XAB2: variants seen among roughly 807,000 people sequenced by gnomAD.
XAB2 encodes XPA binding protein 2.
A neutral mutation model predicts 113.4 loss-of-function variants in XAB2; 57 were observed. That is an observed-to-expected ratio of 0.50 (90% CI 0.41 to 0.63). XAB2 has a LOEUF of 0.63. Ranked by LOEUF, XAB2 falls within the 20% of genes least tolerant of loss-of-function variation. XAB2 has a pLI of 0.00. For synonymous variants in XAB2, 497 were observed against 498.8 expected (o/e 1.00, Z 0.05); for missense variants, 1,037 against 1,233.3 (o/e 0.84, Z 2.38).
intron 12 of XAB2, 84 bp downstream of exon 12, chr19:7,622,247 C>T: frequency 1.6e-6 from 2 of 1,281,956 alleles, no homozygotes; most frequent in Admixed American, 3.4e-5. Context: ...GTCACACAAG[C>T]CCCAGCAGAT....
At position 7,619,616 on chromosome 19, in the gene XAB2, G is replaced by A. The variant is rs4134869; in HGVS notation, c.2538C>T (p.Ala846=). The A allele has an allele frequency of 7.4e-3, 11,938 of 1,602,968 alleles. 753 individuals are homozygous for A. In the African/African-American group the frequency reaches 0.14, roughly 19 times the overall value. Residue 846 remains alanine (A), a synonymous_variant, in exon 19 of 19, where the codon GCC becomes GCT. Coordinates refer to ENST00000358368, the MANE Select transcript of XAB2 (RefSeq NM_020196.3). ...EVRLEQQSVP[A]AVFGSLKED is the part of the protein sequence containing the mutation. ...CTTCCTTCAGGCTCCCAAACACTGC[G>A]GCTGGCACGCTCTGCTGCTCCAGCC... is the stretch of plus-strand genomic sequence containing the variant.
chr19:7,622,157 G>C, intron 12 of XAB2, 174 bp downstream of exon 12: 1 of 633,700 alleles, frequency 1.6e-6, no homozygotes, highest in Admixed American at 2.8e-5. Flanking sequence ...CCCTGCCCAT[G>C]CCTCGATCCT....
Position 7,627,566 on chromosome 19 carries a change from C to G in XAB2, c.325-126G>C, listed in dbSNP as rs544124333. The G allele has an allele frequency of 2.0e-6, 3 of 1,506,638 alleles. No homozygotes were observed. The East Asian group carries it at 6.8e-5, about 34-fold the overall frequency. The allele number at this position is 1,506,638 out of a possible 1,614,324, so 93.3% of individuals were successfully genotyped here. A position where few individuals can be genotyped will look rare whatever the true frequency, so the allele number is the denominator to read the frequency against. ...CATAAATGCGGCGGGACCCAGAAACCCCCAGCTCCAGGACTGAGTCCAGCC... is the reference window on the plus strand; with the variant it reads ...CATAAATGCGGCGGGACCCAGAAACGCCCAGCTCCAGGACTGAGTCCAGCC... On this transcript the variant is annotated intron_variant, in intron 3 of 18. Transcript: ENST00000358368. This position sits in a 1 kb window ranked among gnomAD's most constrained non-coding sequence, Gnocchi z 4.5.
chr19:7,622,468 G>A, intron 11 of XAB2, 24 bp from the exon 12 acceptor site: 2 of 1,614,112 alleles, frequency 1.2e-6, no homozygotes, highest in African/African-American at 2.7e-5. Flanking sequence ...GATGGGAAAG[G>A]TTGGAGCTGG....
In XAB2 at chr19:7,623,544, C is replaced by A. The variant is rs1307916433; in HGVS notation, c.1119+187G>T. On this transcript the variant is annotated intron_variant, in intron 8 of 18. Coordinates refer to ENST00000358368, the MANE Select transcript of XAB2 (RefSeq NM_020196.3). The surrounding 1 kb of genome is among the most constrained non-coding windows in gnomAD (Gnocchi z 4.6). ...AGCTGTGGCCCTCCAAGGGGTGGGG[C>A]CAGGAGGGACTGTGGCTCTGAGGGG... Among the ~76,000 whole-genome samples the A allele has an allele frequency of 6.6e-6, 1 of 151,822 alleles. No homozygotes were observed. Among genetic ancestry groups the A allele is most frequent in the Non-Finnish European group, 1.5e-5 (1 of 67,898 alleles).
rs2030988625 is a variant in XAB2 at position 7,619,831 on chromosome 19, C to T, written c.2422G>A (p.Ala808Thr). 2 of 1,612,818 alleles carry T rather than the reference C, an allele frequency of 1.2e-6. No homozygotes were observed. Among genetic ancestry groups the T allele is most frequent in the Non-Finnish European group, 1.7e-6 (2 of 1,179,944 alleles). ...GGGTTGACCTGCTGTGCCAGCTCTG[C>T]CAGCTCCTCCCGGGAGGCGTCACTC... ...VRSDASREEL[A>T]ELAQQVNPEE... Residue 808 changes from alanine to threonine, a missense_variant, in exon 18 of 19, where the codon GCA becomes ACA. Transcript: ENST00000358368.
Position 7,623,601 on chromosome 19 carries a change from C to CCCCA in XAB2, c.1119+129_1119+130insTGGG, listed in dbSNP as rs1468063225. ...TCGGGCAGGAGGAGAACCCCAAGAA[C>CCCCA]AGGGGTGGAATTGGACCTACTAAGC... On this transcript the variant is annotated intron_variant, in intron 8 of 18. Transcript: ENST00000358368. This position sits in a 1 kb window ranked among gnomAD's most constrained non-coding sequence, Gnocchi z 4.6. The CCCCA allele has an allele frequency of 7.2e-5, 94 of 1,305,254 alleles. No individual in the cohort carries two copies. The highest frequency in any genetic ancestry group is 9.1e-5 in the Non-Finnish European group (87 of 960,464). The allele number at this position is 1,305,254 out of a possible 1,614,324, so 80.9% of individuals were successfully genotyped here. A position where few individuals can be genotyped will look rare whatever the true frequency, so the allele number is the denominator to read the frequency against.
chr19:7,625,961 G>A lies in XAB2; in HGVS notation c.741C>T (p.Gly247=), dbSNP rs781425288. 1.2e-6 allele frequency: 2 copies of A among 1,613,832 alleles called. No homozygotes were observed. Among genetic ancestry groups the A allele is most frequent in the Non-Finnish European group, 1.7e-6 (2 of 1,179,900 alleles). Residue 247 remains glycine (G), a synonymous_variant, in exon 6 of 19, where the codon GGC becomes GGT. Transcript: ENST00000358368. The surrounding 1 kb of genome is among the most constrained non-coding windows in gnomAD (Gnocchi z 5.2). The stretch of plus-strand genomic sequence containing the variant: ...CCAGCTGGTCGGTGAAGCGGGTGAG[G>A]CCCCCGCGGATGATGGCGTCCACAT... ...SLNVDAIIRG[G]LTRFTDQLGK...
In XAB2 at chr19:7,623,037, T is replaced by C. The variant is rs1406773352; in HGVS notation, c.1239+133A>G. On this transcript the variant is annotated intron_variant, in intron 9 of 18. Coordinates refer to ENST00000358368, the MANE Select transcript of XAB2 (RefSeq NM_020196.3). This position sits in a 1 kb window ranked among gnomAD's most constrained non-coding sequence, Gnocchi z 4.6. ...ACAGGCACACACATGCGTGCACATATGCATGCACCCAAATGCACATGCACA... is the reference window on the plus strand; with the variant it reads ...ACAGGCACACACATGCGTGCACATACGCATGCACCCAAATGCACATGCACA... 6.5e-6 allele frequency: 10 copies of C among 1,543,680 alleles called. No individual in the cohort carries two copies. The Admixed American group carries it at 1.7e-4, about 26-fold the overall frequency.
Position 7,622,422 on chromosome 19 carries a change from C to T in XAB2, c.1526G>A (p.Arg509His), listed in dbSNP as rs746259404. ...TFQSTKAVYD[R>H]ILDLRIATPQ... ...TGTTGCGATACGCAGGTCCAGGATG[C>T]GGTCGTACACGGCCTTGGTGGACTG... The change falls in exon 12 of 19, where the codon CGC (arginine) becomes CAC (histidine). Residue 509 changes from arginine to histidine, a missense_variant. By Grantham distance (29) the Arg-to-His change is conservative. Coordinates refer to ENST00000358368, the MANE Select transcript of XAB2 (RefSeq NM_020196.3). 1.4e-5 allele frequency: 23 copies of T among 1,614,028 alleles called. No individual in the cohort carries two copies. The highest frequency in any genetic ancestry group is 2.7e-5 in the African/African-American group (2 of 74,910).
At chr19:7,619,683 G>T in intron 18 of XAB2, 36 bp from the exon 19 acceptor site, 1 of 1,606,268 alleles carries the variant, frequency 6.2e-7, no homozygotes. Context: ...CCCTCCTGGC[G>T]TTGGCCTGTC....
In XAB2 at chr19:7,623,416, G is replaced by T; in HGVS notation, c.1120-127C>A. The T allele has an allele frequency of 7.8e-7, 1 of 1,274,796 alleles. No individual in the cohort carries two copies. The highest frequency in any genetic ancestry group is 1.1e-6 in the Non-Finnish European group (1 of 919,950). 79.0% of individuals were successfully genotyped at this position (1,274,796 alleles called of 1,614,324 possible). A position where few individuals can be genotyped will look rare whatever the true frequency, so the allele number is the denominator to read the frequency against. On this transcript the variant is annotated intron_variant, in intron 8 of 18. Coordinates refer to ENST00000358368, the MANE Select transcript of XAB2 (RefSeq NM_020196.3). The surrounding 1 kb of genome is among the most constrained non-coding windows in gnomAD (Gnocchi z 4.6). Reference sequence around the variant, plus strand: ...GCCCCTGTCGGGAGAGGCCAGAAACGAACTATGGCCCTTGACAATGGTCAG... The same window carrying T: ...GCCCCTGTCGGGAGAGGCCAGAAACTAACTATGGCCCTTGACAATGGTCAG...
chr19:7,628,397 T>C lies in XAB2; in HGVS notation c.52-99A>G. On this transcript the variant is annotated intron_variant, in intron 1 of 18. Transcript: ENST00000358368. The surrounding 1 kb of genome is among the most constrained non-coding windows in gnomAD (Gnocchi z 4.6). ...GGCTCAGGTCCAAACTCCGGACTTT[T>C]ACCTAGATCCCACCACCCACCAAGG... 1 of 1,469,806 alleles carries C rather than the reference T, an allele frequency of 6.8e-7. No individual in the cohort carries two copies. Among genetic ancestry groups the C allele is most frequent in the African/African-American group, 1.4e-5 (1 of 71,798 alleles). 91.0% of individuals were successfully genotyped at this position (1,469,806 alleles called of 1,614,324 possible).
Position 7,623,331 on chromosome 19 carries a change from T to C in XAB2, c.1120-42A>G. The stretch of plus-strand genomic sequence containing the variant: ...GGAGGTCATATAGGACTCAGGACCC[T>C]GCAGATGACGGTCGGGGCAGAGCTG... On this transcript the variant is annotated intron_variant, in intron 8 of 18. Coordinates refer to ENST00000358368, the MANE Select transcript of XAB2 (RefSeq NM_020196.3). This position sits in a 1 kb window ranked among gnomAD's most constrained non-coding sequence, Gnocchi z 4.6. 10 of 1,603,966 alleles carry C rather than the reference T, an allele frequency of 6.2e-6. No individual in the cohort carries two copies. Among genetic ancestry groups the C allele is most frequent in the Non-Finnish European group, 8.5e-6 (10 of 1,174,048 alleles).
intron 1 of XAB2, 85 bp downstream of exon 1, chr19:7,629,392 C>A: frequency 6.6e-7 from 1 of 1,519,600 alleles, no homozygotes; most frequent in Non-Finnish European, 8.9e-7. Context: ...GCCTAAATCT[C>A]CTTGCCGACC....
In XAB2 at chr19:7,623,869, C is replaced by T. The variant is rs1202887111; in HGVS notation, c.981G>A (p.Leu327=). ...GCTCGAAGCGGGCCAGGCGCAGCTC[C>T]AGGTCCACATCATCTGGGAGCCGCG... ...LGREEEDDVD[L]ELRLARFEQL... is the part of the protein sequence containing the mutation. Residue 327 remains leucine (L), a synonymous_variant, in exon 8 of 19, where the codon CTG becomes CTA. Coordinates refer to ENST00000358368, the MANE Select transcript of XAB2 (RefSeq NM_020196.3). This position sits in a 1 kb window ranked among gnomAD's most constrained non-coding sequence, Gnocchi z 4.6. 2 of 1,590,054 alleles carry T rather than the reference C, an allele frequency of 1.3e-6. No homozygotes were observed. The highest frequency in any genetic ancestry group is 1.1e-5 in the South Asian group (1 of 89,172).
At position 7,625,582 on chromosome 19, in the gene XAB2, G is replaced by A. The variant is rs554970568; in HGVS notation, c.822+298C>T. ...CAACCTCCACCTCCCAAGTTCAAGC[G>A]ATTCTCCTGCCTCAGCCTCCCGAGT... On this transcript the variant is annotated intron_variant, in intron 6 of 18. Transcript: ENST00000358368. This position sits in a 1 kb window ranked among gnomAD's most constrained non-coding sequence, Gnocchi z 5.2. Among the ~76,000 whole-genome samples the A allele has an allele frequency of 1.3e-5, 2 of 149,458 alleles. No homozygotes were observed. Among genetic ancestry groups the A allele is most frequent in the African/African-American group, 4.9e-5 (2 of 40,526 alleles).
Position 7,628,056 on chromosome 19 carries a change from A to G in XAB2, c.200+94T>C, listed in dbSNP as rs917822093. ...CAGGTCAGTGATGAAACACGAAGCA[A>G]TCACCCGGGACCCGGGACCCACTTG... On this transcript the variant is annotated intron_variant, in intron 2 of 18. Coordinates refer to ENST00000358368, the MANE Select transcript of XAB2 (RefSeq NM_020196.3). The surrounding 1 kb of genome is among the most constrained non-coding windows in gnomAD (Gnocchi z 4.6). The G allele has an allele frequency of 4.6e-6, 7 of 1,514,856 alleles. No individual in the cohort carries two copies. The Admixed American group carries it at 8.0e-5, about 17-fold the overall frequency. 93.8% of individuals were successfully genotyped at this position (1,514,856 alleles called of 1,614,324 possible). A position where few individuals can be genotyped will look rare whatever the true frequency, so the allele number is the denominator to read the frequency against.
intron 17 of XAB2, 22 bp from the exon 18 acceptor site, chr19:7,619,878 TCA>T: frequency 6.2e-7 from 1 of 1,610,686 alleles, no homozygotes; most frequent in Non-Finnish European, 8.5e-7. Context: ...CCATGCTGCC[TCA>T]GTTCCCCACC....
Sources: gnomAD v4.1 joint callset for allele counts (sites outside exome capture counted in the v4.1 genomes callset) on GRCh38, gnomAD v4.1.1 for gene constraint, Gnocchi (gnomAD v3.1) non-coding constraint, MANE v1.5 for transcripts, NCBI Gene and HGNC (gene_info 2026-07-23, HGNC 2026-07-21) for gene names.